Variants in IPPK observed in about 807,000 individuals in gnomAD.
The protein encoded by IPPK is inositol-pentakisphosphate 2-kinase.
IPPK carries 22 observed loss-of-function variants against 64.6 expected under a neutral mutation model. The observed-to-expected ratio is 0.34, with a 90% CI of 0.24 to 0.49. IPPK has a LOEUF of 0.49. IPPK is among the 20% of genes least tolerant of loss of function. The pLI is 0.99. For missense variants in IPPK, 532 were observed against 630.7 expected (o/e 0.84, Z 1.68); for synonymous variants, 262 against 247.2 (o/e 1.06, Z -0.56).
At chr9:92,646,380 A>G (rs1404636728) in intron 6 of IPPK, among the ~76,000 whole-genome samples, 1 of 152,234 alleles carries the variant, frequency 6.6e-6, no homozygotes, top group Non-Finnish European at 1.5e-5. Context: ...ACCACAAAAC[A>G]AGTCTCAATA....
chr9:92,645,074 G>A (rs780121077), intron 6 of IPPK, among the ~76,000 whole-genome samples: 2 of 152,138 alleles, frequency 1.3e-5, no homozygotes, highest in Non-Finnish European at 2.9e-5. Flanking sequence ...CAATAGAGAG[G>A]TAGAAATTAT....
intron 5 of IPPK, 61 bp downstream of exon 5, chr9:92,649,391 GA>G: frequency 6.2e-7 from 1 of 1,602,028 alleles, no homozygotes; most frequent in Non-Finnish European, 8.5e-7. Context: ...GTGACTCTTG[GA>G]CTTACTACCC....
At chr9:92,631,777 GTGTA>G (rs1851849872) in intron 11 of IPPK, among the ~76,000 whole-genome samples, 1 of 152,228 alleles carries the variant, frequency 6.6e-6, no homozygotes, top group Admixed American at 6.5e-5. Context: ...ATATGCGAGT[GTGTA>G]TGAGAGTGTG....
intron 1 of IPPK, among the ~76,000 whole-genome samples, chr9:92,659,207 A>G (rs1852432574): frequency 6.6e-6 from 1 of 152,234 alleles, no homozygotes; most frequent in African/African-American, 2.4e-5. Context: ...AACAGGTAAC[A>G]CTGACCCCTT....
chr9:92,622,618 A>G (rs952584040), intron 11 of IPPK, among the ~76,000 whole-genome samples: 1 of 151,960 alleles, frequency 6.6e-6, no homozygotes, highest in South Asian at 2.1e-4. Flanking sequence ...ATATATATAT[A>G]TATAAAAGTT....
intron 6 of IPPK, among the ~76,000 whole-genome samples, chr9:92,646,180 G>C (rs1240353456): frequency 5.3e-5 from 8 of 152,182 alleles, no homozygotes. Context: ...ACCTGAACTA[G>C]ACTGTTCAGG....
rs559180837 is a variant in IPPK, at chr9:92,647,945, A to G, written c.504+114T>C. ...GAATCACTTTGTGAAATAAAATGTC[A>G]ACTAAAAATATCCATATTTTCTTTT... is the stretch of plus-strand genomic sequence containing the variant. On this transcript the variant is annotated intron_variant, in intron 6 of 12. Transcript: ENST00000287996. 45 of 661,512 alleles carry G rather than the reference A, an allele frequency of 6.8e-5. No individual in the cohort carries two copies. In the South Asian group the frequency reaches 8.1e-4, roughly 12 times the overall value. The allele number at this position is 661,512 out of a possible 1,614,324, so 41.0% of individuals were successfully genotyped here. A position where few individuals can be genotyped will look rare whatever the true frequency, so the allele number is the denominator to read the frequency against.
At chr9:92,640,887 G>A in intron 7 of IPPK, 105 bp from the exon 8 acceptor site, 1 of 813,942 alleles carries the variant, frequency 1.2e-6, no homozygotes, top group Non-Finnish European at 2.1e-6. Context: ...ACTCCCAGGG[G>A]CCGCTGGGAA....
chr9:92,669,941 C>T lies in IPPK; in HGVS notation c.48G>A (p.Glu16=). ...MDENEWGYHG[E]GNKSLVVAHA... ...GGGCCACCACCAGGCTCTTATTGCC[C>T]TCTCCGTGGTACCCCCATTCATTCT... Residue 16 remains glutamate, a synonymous_variant, in exon 1 of 13, where the codon GAG becomes GAA. Coordinates refer to ENST00000287996, the MANE Select transcript of IPPK (RefSeq NM_022755.6). The T allele has an allele frequency of 5.6e-6, 9 of 1,613,382 alleles. No homozygotes were observed. The highest frequency in any genetic ancestry group is 7.6e-6 in the Non-Finnish European group (9 of 1,179,612).
At chr9:92,648,567 C>T (rs1485836690) in intron 5 of IPPK, among the ~76,000 whole-genome samples, 3 of 152,198 alleles carry the variant, frequency 2.0e-5, no homozygotes, top group Non-Finnish European at 2.9e-5. Flanking sequence ...TGCTAGGCTC[C>T]CAGAAGGTCA....
Position 92,615,759 on chromosome 9 carries a change from A to G in IPPK, c.*73T>C. ...AACATTCACAACCAAAGGTCACCCAACACAACAGAAAATATCTCTATCATT... is the reference window on the plus strand; with the variant it reads ...AACATTCACAACCAAAGGTCACCCAGCACAACAGAAAATATCTCTATCATT... On this transcript the variant is annotated 3_prime_UTR_variant, in exon 13 of 13. Coordinates refer to ENST00000287996, the MANE Select transcript of IPPK (RefSeq NM_022755.6). The G allele has an allele frequency of 3.1e-6, 4 of 1,286,998 alleles. No homozygotes were observed. The highest frequency in any genetic ancestry group is 4.5e-6 in the Non-Finnish European group (4 of 896,366). The allele number at this position is 1,286,998 out of a possible 1,614,324, so 79.7% of individuals were successfully genotyped here.
intron 1 of IPPK, among the ~76,000 whole-genome samples, chr9:92,660,063 C>A (rs191430213): frequency 2.2e-4 from 33 of 152,156 alleles, no homozygotes; most frequent in Admixed American, 6.5e-4. Context: ...TATAATTCCA[C>A]CAAAATTTAA....
At position 92,640,812 on chromosome 9, in the gene IPPK, A is replaced by C. The variant is rs555128405; in HGVS notation, c.564-30T>G. 6 of 1,491,362 alleles carry C rather than the reference A, an allele frequency of 4.0e-6. No homozygotes were observed. In the African/African-American group the frequency reaches 6.9e-5, roughly 17 times the overall value. 92.4% of individuals were successfully genotyped at this position (1,491,362 alleles called of 1,614,324 possible). A position where few individuals can be genotyped will look rare whatever the true frequency, so the allele number is the denominator to read the frequency against. On this transcript the variant is annotated intron_variant, in intron 7 of 12. Coordinates refer to ENST00000287996, the MANE Select transcript of IPPK (RefSeq NM_022755.6). The stretch of plus-strand genomic sequence containing the variant: ...AAGGGAAAAGCATTAACATGCTTTA[A>C]ATGCAGCTGGAACTGACCTGTCCCT...
At chr9:92,620,991 G>A (rs1306794004) in intron 11 of IPPK, among the ~76,000 whole-genome samples, 2 of 152,148 alleles carry the variant, frequency 1.3e-5, no homozygotes, top group Non-Finnish European at 2.9e-5. Flanking sequence ...CCAAGACCAG[G>A]GCGCCAGCAG....
rs138043298 is a variant in IPPK at position 92,662,739 on chromosome 9, C to G, written c.82-4058G>C. 2.9e-3 allele frequency among the ~76,000 whole-genome samples: 437 copies of G among 152,210 alleles called. 2 individuals are homozygous for G. The highest frequency in any genetic ancestry group is 9.9e-3 in the African/African-American group (411 of 41,530). ...CAAAAACACCAAACAACAGGAAGAA[C>G]AAGAGGAGTGATGCATTTATACACA... On this transcript the variant is annotated intron_variant, in intron 1 of 12. Coordinates refer to ENST00000287996, the MANE Select transcript of IPPK (RefSeq NM_022755.6).
chr9:92,649,974 C>T (rs369961034), intron 4 of IPPK, among the ~76,000 whole-genome samples: 4 of 142,956 alleles, frequency 2.8e-5, no homozygotes, highest in African/African-American at 7.9e-5. Flanking sequence ...TGTGGTGAGC[C>T]GAGATCGTGC....
chr9:92,654,212 G>C (rs1457464809), intron 3 of IPPK, among the ~76,000 whole-genome samples: 1 of 152,188 alleles, frequency 6.6e-6, no homozygotes, highest in Non-Finnish European at 1.5e-5. Context: ...GCATATCTGT[G>C]TTTAAAGTCA....
Position 92,635,705 on chromosome 9 carries a change from TTTTTC to T in IPPK, c.917-402_917-398del, listed in dbSNP as rs1482516124. ...TTAAGTCAGGTCACAAAATTTCTTCTTTTTCTTTTCTTTTTTTTTTTTGAGACAGA... is the reference window on the plus strand; with the variant it reads ...TTAAGTCAGGTCACAAAATTTCTTCTTTTTCTTTTTTTTTTTTGAGACAGA... On this transcript the variant is annotated intron_variant, in intron 9 of 12. Transcript: ENST00000287996. This position sits in a 1 kb window ranked among gnomAD's most constrained non-coding sequence, Gnocchi z 4.4. Among the ~76,000 whole-genome samples the T allele has an allele frequency of 2.0e-5, 3 of 152,172 alleles. No individual in the cohort carries two copies. The highest frequency in any genetic ancestry group is 2.1e-4 in the South Asian group (1 of 4,820).
intron 11 of IPPK, among the ~76,000 whole-genome samples, chr9:92,632,235 G>A (rs144703368): frequency 4.0e-4 from 61 of 152,292 alleles, no homozygotes; most frequent in African/African-American, 1.4e-3. Context: ...TGGGATAAAT[G>A]CCCAGGAGCA....
Sources: gnomAD v4.1 joint callset for allele counts (sites outside exome capture counted in the v4.1 genomes callset) on GRCh38, gnomAD v4.1.1 for gene constraint, Gnocchi (gnomAD v3.1) non-coding constraint, MANE v1.5 for transcripts, NCBI Gene and HGNC (gene_info 2026-07-23, HGNC 2026-07-21) for gene names.